The following ASB2 variants were observed in gnomAD, a reference collection of about 807,000 sequenced individuals.
ASB2 encodes ankyrin repeat and SOCS box containing 2.
Under a neutral mutation model 62.4 loss-of-function variants are expected in ASB2, and 58 were observed. The ratio of observed to expected loss-of-function variants is 0.93; its 90% CI spans 0.75 to 1.16. The LOEUF is 1.16. Among genes scored for constraint, ASB2 ranks in the 50% most tolerant of loss-of-function variants. The pLI, the probability that ASB2 is intolerant of heterozygous loss-of-function variation, is 0.00. For synonymous variants in ASB2, 386 were observed against 385.3 expected, an observed-to-expected ratio of 1.00 and a Z score of -0.02; for missense variants, 928 against 887.9, an observed-to-expected ratio of 1.05 and a Z score of -0.57.
At chr14:93,935,423 GTCAT>G (rs55731345) in intron 9 of ASB2, among the ~76,000 whole-genome samples, 2,529 of 150,946 alleles carry the variant, frequency 0.017, 52 homozygotes, top group African/African-American at 0.052. Context: ...ATCACAGAAT[GTCAT>G]TCATTCATTC....
At chr14:93,959,594 G>A (rs1889339409) in intron 2 of ASB2, among the ~76,000 whole-genome samples, 1 of 152,222 alleles carries the variant, frequency 6.6e-6, no homozygotes, top group South Asian at 2.1e-4. Flanking sequence ...CAGGATGTGG[G>A]TGTAGGTCAT....
chr14:93,957,068 C>T, intron 2 of ASB2, 198 bp from the exon 3 acceptor site: 1 of 1,459,628 alleles, frequency 6.9e-7, no homozygotes, highest in African/African-American at 1.4e-5. Context: ...TATTTTTGGC[C>T]CTTGGAGGAA....
At chr14:93,954,574 T>A (rs1457088478) in intron 3 of ASB2, 91 bp from the exon 4 acceptor site, 2 of 1,169,798 alleles carry the variant, frequency 1.7e-6, no homozygotes, top group Non-Finnish European at 2.5e-6. Context: ...GTGGAGTCAC[T>A]CGGTCCTCGT....
chr14:93,964,451 A>T lies in ASB2; in HGVS notation c.89T>A (p.Leu30Gln). The part of the protein sequence containing the change: ...SLYSSLSEDE[L>Q]VQMAIEQSLA... ...GCTCTGCTCGATGGCCATCTGCACCAGTTCATCCTCGCTCAGGCTGCTGTA... is the reference window on the plus strand; with the variant it reads ...GCTCTGCTCGATGGCCATCTGCACCTGTTCATCCTCGCTCAGGCTGCTGTA... The change falls in exon 2 of 10, where the codon CTG (leucine) becomes CAG (glutamine). Residue 30 changes from leucine to glutamine, a missense_variant. Leu to Gln is a moderately radical substitution (Grantham distance 113, BLOSUM62 -2). Coordinates refer to ENST00000555019, the MANE Select transcript of ASB2 (RefSeq NM_001202429.2). The T allele has an allele frequency of 1.3e-6, 2 of 1,536,082 alleles. No homozygotes were observed. The highest frequency in any genetic ancestry group is 1.7e-6 in the Non-Finnish European group (2 of 1,146,890).
chr14:93,952,764 C>T (rs537638043), intron 5 of ASB2, among the ~76,000 whole-genome samples: 13 of 152,276 alleles, frequency 8.5e-5, no homozygotes, highest in Middle Eastern at 3.4e-3. Context: ...CATAAGAGAA[C>T]GGTGCCTGGC....
Position 93,934,678 on chromosome 14 carries a change from A to T in ASB2, c.1886T>A (p.Leu629Gln). ...LPLPGRLIRYLKYENTQ is the reference protein window; with the variant it reads ...LPLPGRLIRYQKYENTQ Reference sequence around the variant, plus strand: ...CAGTTACTGGGTGTTCTCGTATTTCAGGTATCTAATCAGCCTGCCTGGGAG... The same window carrying T: ...CAGTTACTGGGTGTTCTCGTATTTCTGGTATCTAATCAGCCTGCCTGGGAG... The change falls in exon 10 of 10, where the codon CTG becomes CAG. Residue 629 changes from leucine to glutamine, a missense_variant. By Grantham distance (113) the Leu-to-Gln change is moderately radical. Transcript: ENST00000555019. 6.2e-7 allele frequency: 1 copy of T among 1,614,114 alleles called. No homozygotes were observed.
At chr14:93,957,542 C>A in intron 2 of ASB2, 1 of 304,280 alleles carries the variant, frequency 3.3e-6, no homozygotes, top group Non-Finnish European at 4.8e-6. Context: ...ACAGGTTGAC[C>A]TTTTCTGTGC....
chr14:93,944,949 C>T (rs940546278), intron 7 of ASB2, among the ~76,000 whole-genome samples: 3 of 152,322 alleles, frequency 2.0e-5, no homozygotes, highest in Admixed American at 6.5e-5. Flanking sequence ...AGATGAAGGT[C>T]CCAGCCCTGC....
rs1303629715 is a variant in ASB2 at position 93,934,293 on chromosome 14, G to A, written c.*363C>T. 2 of 462,768 alleles carry A rather than the reference G, an allele frequency of 4.3e-6. No individual in the cohort carries two copies. Among genetic ancestry groups the A allele is most frequent in the East Asian group, 1.3e-4 (2 of 15,378 alleles). 28.7% of individuals were successfully genotyped at this position (462,768 alleles called of 1,614,324 possible). On this transcript the variant is annotated 3_prime_UTR_variant, in exon 10 of 10. Coordinates refer to ENST00000555019, the MANE Select transcript of ASB2 (RefSeq NM_001202429.2). Reference sequence around the variant, plus strand: ...AGAGAAAGCTCTGAAGTCAAGTGGTGAGTTTTCCAGAACAAGTGGAGGGGC... The same window carrying A: ...AGAGAAAGCTCTGAAGTCAAGTGGTAAGTTTTCCAGAACAAGTGGAGGGGC...
chr14:93,954,142 G>A (rs1365077402), intron 4 of ASB2, 175 bp downstream of exon 4: 1 of 609,836 alleles, frequency 1.6e-6, no homozygotes, highest in Non-Finnish European at 2.9e-6. Flanking sequence ...AGCAGGGGGT[G>A]GGGACAACTC....
chr14:93,964,392 C>T lies in ASB2; in HGVS notation c.148G>A (p.Glu50Lys), dbSNP rs977010635. The T allele has an allele frequency of 5.9e-6, 9 of 1,536,140 alleles. No individual in the cohort carries two copies. The highest frequency in any genetic ancestry group is 7.8e-6 in the Non-Finnish European group (9 of 1,146,912). ...ADKTRGPTTA[E>K]ATASACTNRQ... The stretch of plus-strand genomic sequence containing the variant: ...TTGGTACATGCAGACGCGGTGGCCT[C>T]AGCAGTGGTTGGGCCCCTTGTCTTG... Residue 50 changes from glutamate (E) to lysine (K), a missense_variant, in exon 2 of 10, where the codon GAG (glutamate) becomes AAG (lysine). Transcript: ENST00000555019.
chr14:93,947,687 T>C (rs1888785987), intron 6 of ASB2, among the ~76,000 whole-genome samples, 167 bp from the exon 7 acceptor site: 1 of 152,104 alleles, frequency 6.6e-6, no homozygotes, highest in African/African-American at 2.4e-5. Context: ...CCCCAGCTTC[T>C]TTCAACAACA....
intron 6 of ASB2, among the ~76,000 whole-genome samples, chr14:93,950,104 A>G (rs542917637): frequency 6.6e-6 from 1 of 152,234 alleles, no homozygotes; most frequent in South Asian, 2.1e-4. Context: ...TTCATCTATA[A>G]AATGGGACGA....
chr14:93,939,581 C>G lies in ASB2; in HGVS notation c.1144G>C (p.Asp382His). 1 of 1,580,770 alleles carries G rather than the reference C, an allele frequency of 6.3e-7. No homozygotes were observed. The highest frequency in any genetic ancestry group is 8.6e-7 in the Non-Finnish European group (1 of 1,168,206). The change falls in exon 8 of 10, where the codon GAC becomes CAC. Residue 382 changes from aspartate (D) to histidine (H), a missense_variant. Physicochemically the swap from Asp to His is moderately conservative, Grantham distance 81. Transcript: ENST00000555019. The stretch of plus-strand genomic sequence containing the variant: ...CTCAGCAGCGCCTCCAGCACCTCGT[C>G]GTGGTTGCGCTCGGCCGCCAGGTGC... ...PLHLAAERNH[D>H]EVLEALLSAR...
intron 7 of ASB2, chr14:93,941,249 C>T: frequency 4.6e-6 from 1 of 218,702 alleles, no homozygotes; most frequent in South Asian, 6.6e-5. Context: ...GATTCCAGAC[C>T]CTAATCCATC....
At chr14:93,938,628 CTCT>C (rs1290716235) in intron 8 of ASB2, among the ~76,000 whole-genome samples, 3 of 152,206 alleles carry the variant, frequency 2.0e-5, no homozygotes, top group Non-Finnish European at 2.9e-5. Context: ...CACCAGCCTG[CTCT>C]TGACATGCCT....
chr14:93,974,728 A>G (rs939229828), intron 1 of ASB2, among the ~76,000 whole-genome samples: 5 of 152,270 alleles, frequency 3.3e-5, no homozygotes, highest in African/African-American at 4.8e-5. Context: ...TTAAGCTCTC[A>G]TAACCTGTTT....
intron 3 of ASB2, among the ~76,000 whole-genome samples, chr14:93,956,162 AG>A (rs1243914898): frequency 6.6e-6 from 1 of 152,026 alleles, no homozygotes; most frequent in East Asian, 1.9e-4. Context: ...CAGAGAGGGG[AG>A]GGAGGCAGAA....
At chr14:93,947,728 T>C (rs891083442) in intron 6 of ASB2, among the ~76,000 whole-genome samples, 13 of 151,970 alleles carry the variant, frequency 8.6e-5, no homozygotes, top group African/African-American at 2.9e-4. Context: ...CAGGCGTGGC[T>C]CATGCCTGTA....
Sources: gnomAD v4.1 joint callset for allele counts (sites outside exome capture counted in the v4.1 genomes callset) on GRCh38, gnomAD v4.1.1 for gene constraint, MANE v1.5 for transcripts, NCBI Gene and HGNC (gene_info 2026-07-23, HGNC 2026-07-21) for gene names.